Variants in ESRRG observed in about 807,000 individuals in gnomAD.
ESRRG encodes estrogen related receptor gamma, also known as estrogen-related receptor gamma.
A neutral mutation model predicts 44.0 loss-of-function variants in ESRRG; 13 were observed. The observed-to-expected ratio is 0.30, with a 90% confidence interval of 0.19 to 0.47. The LOEUF is 0.47. Ranked by LOEUF, ESRRG falls within the 20% of genes least tolerant of loss-of-function variation. The probability of loss-of-function intolerance (pLI) is 1.00; values close to 1 mark genes in which losing one functional copy is unlikely to be tolerated. For missense variants in ESRRG, 395 were observed against 580.6 expected (o/e 0.68, Z 3.29); for synonymous variants, 215 against 214.6 (o/e 1.00, Z -0.02).
intron 1 of ESRRG, among the ~76,000 whole-genome samples, chr1:217,107,482 C>A (rs759106796): frequency 1.3e-5 from 2 of 152,226 alleles, no homozygotes; most frequent in African/African-American, 4.8e-5. Context: ...TTATATATTG[C>A]ACTTTTTCCC....
intron 1 of ESRRG, among the ~76,000 whole-genome samples, chr1:217,103,658 CAA>C: frequency 1.3e-5 from 1 of 78,804 alleles, no homozygotes; most frequent in South Asian, 4.8e-4. Flanking sequence ...ACTCTGCCTC[CAA>C]AAAATAATTA....
chr1:216,584,817 A>G (rs564416142), intron 3 of ESRRG, among the ~76,000 whole-genome samples: 105 of 152,332 alleles, frequency 6.9e-4, no homozygotes, highest in African/African-American at 2.3e-3. Flanking sequence ...ATAATTCCCT[A>G]TATTTTCCTC....
chr1:217,017,496 A>AAAAAG (rs2079592472), intron 1 of ESRRG, among the ~76,000 whole-genome samples: 1 of 146,250 alleles, frequency 6.8e-6, no homozygotes, highest in Non-Finnish European at 1.5e-5. Context: ...AAAAAAAAAA[A>AAAAAG]AAGGAGAAAA....
At chr1:216,673,369 C>T (rs1158644060) in intron 2 of ESRRG, among the ~76,000 whole-genome samples, 1 of 152,216 alleles carries the variant, frequency 6.6e-6, no homozygotes, top group South Asian at 2.1e-4. Context: ...TAAGTGAGCA[C>T]CACAGTGTGA....
Position 216,503,478 on chromosome 1 carries a change from C to T in ESRRG, c.*3461G>A, listed in dbSNP as rs909799165. 2 of 152,160 alleles carry T rather than the reference C, an allele frequency of 1.3e-5. No individual in the cohort carries two copies. The highest frequency in any genetic ancestry group is 4.9e-5 in the African/African-American group (2 of 41,232). 9.4% of individuals were successfully genotyped at this position (152,160 alleles called of 1,614,324 possible). On this transcript the variant is annotated 3_prime_UTR_variant, in exon 7 of 7. Transcript: ENST00000408911. Reference sequence around the variant, plus strand: ...ATTGATTGCTTTACAGATGTGAAGCCCATCTACAGCTATAGACATGGTTTT... The same window carrying T: ...ATTGATTGCTTTACAGATGTGAAGCTCATCTACAGCTATAGACATGGTTTT...
rs183211346 is a variant in ESRRG at position 216,798,791 on chromosome 1, T to C, written c.-13-121300A>G. On this transcript the variant is annotated intron_variant, in intron 2 of 7. Transcript: ENST00000359162. ...AACTACACTCTCTTACCTTAGTTTC[T>C]TCATCTTTACAAGCGGGATAATAAT... Among the ~76,000 whole-genome samples the C allele has an allele frequency of 2.3e-3, 354 of 152,262 alleles. 1 individual carries two copies. Among genetic ancestry groups the C allele is most frequent in the African/African-American group, 8.3e-3 (343 of 41,554 alleles).
intron 5 of ESRRG, among the ~76,000 whole-genome samples, chr1:216,536,246 G>A (rs1056323044): frequency 2.0e-5 from 3 of 152,004 alleles, no homozygotes; most frequent in Non-Finnish European, 2.9e-5. Flanking sequence ...TCCCCAAAGA[G>A]CAAGCCTTTA....
chr1:216,569,111 A>AGGAAGGAAGGAG (rs1553355981), intron 3 of ESRRG, among the ~76,000 whole-genome samples: 22 of 104,362 alleles, frequency 2.1e-4, no homozygotes, highest in Non-Finnish European at 2.0e-4. Context: ...GAAGGAAGGA[A>AGGAAGGAAGGAG]GAAGGAAGGA....
At chr1:216,577,191 G>A (rs947546608) in intron 3 of ESRRG, among the ~76,000 whole-genome samples, 6 of 151,892 alleles carry the variant, frequency 4.0e-5, no homozygotes, top group East Asian at 3.9e-4. Context: ...GAGAGAGAAC[G>A]AGAATGAGAA....
At chr1:216,738,360 C>A (rs1210166102) in intron 2 of ESRRG, among the ~76,000 whole-genome samples, 1 of 151,984 alleles carries the variant, frequency 6.6e-6, no homozygotes, top group Non-Finnish European at 1.5e-5. Context: ...TAAAATAAGT[C>A]CTATACTGCC....
intron 2 of ESRRG, among the ~76,000 whole-genome samples, chr1:216,770,954 C>A (rs6679016): frequency 0.21 from 32,115 of 151,954 alleles, 3,657 homozygotes; most frequent in East Asian, 0.3. Flanking sequence ...TATTCCTACT[C>A]CAAGCTAGGT....
chr1:216,706,101 A>G (rs1222603287), intron 1 of ESRRG, among the ~76,000 whole-genome samples: 3 of 152,220 alleles, frequency 2.0e-5, no homozygotes, highest in African/African-American at 2.4e-5. Context: ...TTGCTTTGTT[A>G]GTGAGTTTGT....
At chr1:216,754,533 G>A (rs377746005) in intron 2 of ESRRG, among the ~76,000 whole-genome samples, 1 of 151,818 alleles carries the variant, frequency 6.6e-6, no homozygotes, top group African/African-American at 2.4e-5. Context: ...AAAAATATCT[G>A]CCTAGGAACT....
At chr1:216,556,736 T>C (rs1406015215) in intron 5 of ESRRG, among the ~76,000 whole-genome samples, 1 of 152,132 alleles carries the variant, frequency 6.6e-6, no homozygotes, top group South Asian at 2.1e-4. Flanking sequence ...AGGACTATCA[T>C]AGCCCTCATA....
chr1:216,950,895 G>A (rs141263430), intron 1 of ESRRG, among the ~76,000 whole-genome samples: 6 of 152,180 alleles, frequency 3.9e-5, no homozygotes, highest in African/African-American at 7.2e-5. Context: ...GACACTGACC[G>A]TGAAATTTAG....
In ESRRG at chr1:216,837,181, G is replaced by A. The variant is rs531926685; in HGVS notation, c.-14+102401C>T. On this transcript the variant is annotated intron_variant, in intron 2 of 7. Transcript: ENST00000359162. ...TCCTAACACTTTGGGAGGCCGAGGC[G>A]GGCAGATCACGAGGTCAGGAGATCG... Among the ~76,000 whole-genome samples the A allele has an allele frequency of 4.0e-3, 614 of 151,862 alleles. 5 individuals are homozygous for A. Among genetic ancestry groups the A allele is most frequent in the African/African-American group, 0.014 (574 of 41,376 alleles).
At chr1:217,129,803 G>T (rs942006896) in intron 1 of ESRRG, among the ~76,000 whole-genome samples, 1 of 152,152 alleles carries the variant, frequency 6.6e-6, no homozygotes, top group African/African-American at 2.4e-5. Flanking sequence ...GTGGCTGAAG[G>T]GGAGGGAAGA....
chr1:216,654,432 C>A (rs543267450), intron 2 of ESRRG, among the ~76,000 whole-genome samples: 2 of 151,960 alleles, frequency 1.3e-5, no homozygotes, highest in African/African-American at 4.8e-5. Context: ...AAGCTCAAGA[C>A]GAGCCTGATC....
chr1:216,620,932 C>A (rs969315691), intron 3 of ESRRG, among the ~76,000 whole-genome samples: 3 of 152,164 alleles, frequency 2.0e-5, no homozygotes, highest in Non-Finnish European at 4.4e-5. Flanking sequence ...GCTTACCAAT[C>A]TGAAATCTGC....
Sources: allele counts gnomAD v4.1 joint callset (sites outside exome capture counted in the v4.1 genomes callset), GRCh38; gene constraint gnomAD v4.1.1; transcripts MANE v1.5; gene names NCBI Gene and HGNC (gene_info 2026-07-23, HGNC 2026-07-21).